The following ABCA13 variants were observed in gnomAD, a reference collection of about 807,000 sequenced individuals.
ABCA13 encodes ATP binding cassette subfamily A member 13.
Under a neutral mutation model 478.7 loss-of-function variants are expected in ABCA13, and 476 were observed. The observed-to-expected ratio is 0.99, with a 90% CI of 0.92 to 1.07. The LOEUF (loss-of-function observed/expected upper bound fraction) is 1.07. Ranked by LOEUF, ABCA13 falls within the 50% of genes least tolerant of loss-of-function variation. ABCA13 has a pLI of 0.00. For synonymous variants in ABCA13, 2,252 were observed against 2,158.9 expected (o/e 1.04, Z -1.20); for missense variants, 6,060 against 5,910.6 (o/e 1.03, Z -0.83).
intron 35 of ABCA13, among the ~76,000 whole-genome samples, chr7:48,378,380 G>A (rs1377034430): frequency 6.6e-6 from 1 of 152,008 alleles, no homozygotes; most frequent in African/African-American, 2.4e-5. Flanking sequence ...GAGGCTCAGA[G>A]GAAATTAAAA....
intron 45 of ABCA13, among the ~76,000 whole-genome samples, chr7:48,477,561 T>TA (rs1021015512): frequency 6.6e-6 from 1 of 151,878 alleles, no homozygotes; most frequent in Non-Finnish European, 1.5e-5. Flanking sequence ...TATGCAGCCA[T>TA]AAAAAATAAT....
intron 55 of ABCA13, among the ~76,000 whole-genome samples, chr7:48,569,661 A>C (rs1787417377): frequency 6.6e-6 from 1 of 152,090 alleles, no homozygotes; most frequent in African/African-American, 2.4e-5. Context: ...AGTAGCTGGG[A>C]ATACAGGCAT....
chr7:48,627,215 T>C, intron 59 of ABCA13: 2 of 283,886 alleles, frequency 7.0e-6, no homozygotes, highest in Non-Finnish European at 1.1e-5. Context: ...ACAGAGTCAG[T>C]ATTGAGAAAA....
intron 32 of ABCA13, among the ~76,000 whole-genome samples, chr7:48,370,702 C>T (rs1812496225): frequency 6.6e-6 from 1 of 152,060 alleles, no homozygotes; most frequent in African/African-American, 2.4e-5. Context: ...GTGATACAAC[C>T]TATCAAAACC....
In ABCA13 at chr7:48,198,290, A is replaced by G; in HGVS notation, c.217A>G (p.Ser73Gly). ...PSCGVIPFVQ[S>G]LLCNTGSRCR... Reference sequence around the variant, plus strand: ...CTGTGGTGTTATCCCCTTTGTTCAAAGCCTTCTTTGTAACACTGGATCAAG... The same window carrying G: ...CTGTGGTGTTATCCCCTTTGTTCAAGGCCTTCTTTGTAACACTGGATCAAG... The change falls in exon 3 of 62, where the codon AGC (serine) becomes GGC (glycine). Residue 73 changes from serine to glycine, a missense_variant. Ser to Gly is a moderately conservative substitution (Grantham distance 56). Transcript: ENST00000435803. The G allele has an allele frequency of 6.2e-7, 1 of 1,613,766 alleles. No individual in the cohort carries two copies. Among genetic ancestry groups the G allele is most frequent in the South Asian group, 1.1e-5 (1 of 90,996 alleles).
At chr7:48,636,451 C>G (rs1452766935) in intron 59 of ABCA13, among the ~76,000 whole-genome samples, 2 of 152,146 alleles carry the variant, frequency 1.3e-5, no homozygotes, top group Non-Finnish European at 2.9e-5. Flanking sequence ...GTCTTTCCTG[C>G]CCATGGGAGA....
intron 8 of ABCA13, 104 bp downstream of exon 8, chr7:48,234,255 C>A: frequency 6.5e-7 from 1 of 1,541,882 alleles, no homozygotes. Flanking sequence ...GAGAGGCAGC[C>A]AGACAGGAGA....
chr7:48,225,157 C>CTTCT (rs1257462188), intron 5 of ABCA13, among the ~76,000 whole-genome samples: 11 of 146,300 alleles, frequency 7.5e-5, no homozygotes, highest in African/African-American at 2.5e-4. Flanking sequence ...TCCTTCCTTC[C>CTTCT]TTCCTTCCTT....
At chr7:48,268,452 C>A (rs1376085668) in intron 15 of ABCA13, among the ~76,000 whole-genome samples, 2 of 152,200 alleles carry the variant, frequency 1.3e-5, no homozygotes, top group African/African-American at 4.8e-5. Context: ...AGCCACCACA[C>A]CCGGACACCT....
At chr7:48,399,380 G>T (rs531446428) in intron 38 of ABCA13, among the ~76,000 whole-genome samples, 1 of 152,152 alleles carries the variant, frequency 6.6e-6, no homozygotes, top group Non-Finnish European at 1.5e-5. Context: ...GAGACAAGGG[G>T]TTGTCTCTCC....
At chr7:48,325,806 A>G (rs1804235647) in intron 27 of ABCA13, among the ~76,000 whole-genome samples, 1 of 152,224 alleles carries the variant, frequency 6.6e-6, no homozygotes, top group Non-Finnish European at 1.5e-5. Flanking sequence ...AGAGAACCCA[A>G]GGAAGAAACA....
chr7:48,172,762 C>T (rs1045145644), intron 1 of ABCA13, among the ~76,000 whole-genome samples: 2 of 133,260 alleles, frequency 1.5e-5, no homozygotes, highest in Non-Finnish European at 3.1e-5. Context: ...CGCGCCACTG[C>T]ACTCCAGCCT....
chr7:48,258,725 T>C (rs1793753309), intron 15 of ABCA13, among the ~76,000 whole-genome samples: 1 of 152,182 alleles, frequency 6.6e-6, no homozygotes, highest in Admixed American at 6.5e-5. Context: ...TTTATATCTT[T>C]CTAAATTTTT....
intron 31 of ABCA13, among the ~76,000 whole-genome samples, chr7:48,361,799 A>G (rs1195834845): frequency 6.6e-6 from 1 of 151,870 alleles, no homozygotes; most frequent in Non-Finnish European, 1.5e-5. Context: ...AGCTGTTTAA[A>G]TAAAGCTTCT....
In ABCA13 at chr7:48,272,183, C is replaced by T. The variant is rs1344416444; in HGVS notation, c.2517C>T (p.Ala839=). ...EINPKLLELW[A]YGISKGKRAK... ...ATCCCAAATTACTAGAATTATGGGC[C>T]TATGGCATTTCAAAAGGAAAAAGAG... The change falls in exon 17 of 62, where the codon GCC becomes GCT. Residue 839 remains alanine (A), a synonymous_variant. Transcript: ENST00000435803. 3.7e-6 allele frequency: 6 copies of T among 1,611,926 alleles called. No individual in the cohort carries two copies. Among genetic ancestry groups the T allele is most frequent in the Non-Finnish European group, 5.1e-6 (6 of 1,179,208 alleles).
chr7:48,279,194 C>T lies in ABCA13; in HGVS notation c.8000C>T (p.Ser2667Phe), dbSNP rs1406153603. The change falls in exon 18 of 62, where the codon TCT (serine) becomes TTT (phenylalanine). Residue 2667 changes from serine to phenylalanine, a missense_variant. Coordinates refer to ENST00000435803, the MANE Select transcript of ABCA13 (RefSeq NM_152701.5). ...TTTAACAATGAGACTCAAACATTTTCTATGGATTCTGTCAACTTACGGGAA... is the reference window on the plus strand; with the variant it reads ...TTTAACAATGAGACTCAAACATTTTTTATGGATTCTGTCAACTTACGGGAA... ...VAFNNETQTF[S>F]MDSVNLREEI... The T allele has an allele frequency of 2.1e-5, 34 of 1,596,618 alleles. No individual in the cohort carries two copies. The highest frequency in any genetic ancestry group is 2.8e-5 in the Non-Finnish European group (33 of 1,171,280).
chr7:48,627,229 GT>G (rs1793749877), intron 59 of ABCA13: 1 of 234,128 alleles, frequency 4.3e-6, no homozygotes, highest in Non-Finnish European at 7.0e-6. Context: ...GAGAAAAGCA[GT>G]TTTCAAACTC....
chr7:48,518,166 A>G (rs969964662), intron 52 of ABCA13, among the ~76,000 whole-genome samples: 1 of 152,206 alleles, frequency 6.6e-6, no homozygotes, highest in Non-Finnish European at 1.5e-5. Context: ...TTGCAGAACC[A>G]TTGATTGGCT....
At chr7:48,325,993 G>A (rs544089676) in intron 27 of ABCA13, among the ~76,000 whole-genome samples, 1 of 152,258 alleles carries the variant, frequency 6.6e-6, no homozygotes, top group South Asian at 2.1e-4. Context: ...GCTATAAAAG[G>A]GCATACCTGA....
Sources: gnomAD v4.1 joint callset for allele counts (sites outside exome capture counted in the v4.1 genomes callset) on GRCh38, gnomAD v4.1.1 for gene constraint, MANE v1.5 for transcripts, NCBI Gene and HGNC (gene_info 2026-07-23, HGNC 2026-07-21) for gene names.